The following ESRRB variants were observed in gnomAD, a reference collection of about 807,000 sequenced individuals.
ESRRB encodes the protein steroid hormone receptor ERR2.
ESRRB carries 16 observed loss-of-function variants against 46.0 expected under a neutral mutation model. The observed-to-expected ratio is 0.35, with a 90% CI of 0.24 to 0.53. ESRRB has a LOEUF of 0.53. ESRRB is among the 20% of genes least tolerant of loss of function. The probability of loss-of-function intolerance (pLI) is 0.93; values close to 1 mark genes in which losing one functional copy is unlikely to be tolerated. For synonymous variants in ESRRB, 246 were observed against 259.6 expected (o/e 0.95, Z 0.50); for missense variants, 488 against 607.4 (o/e 0.80, Z 2.07).
At chr14:76,396,867 C>G (rs1259614036) in intron 1 of ESRRB, among the ~76,000 whole-genome samples, 1 of 152,246 alleles carries the variant, frequency 6.6e-6, no homozygotes, top group Non-Finnish European at 1.5e-5. Flanking sequence ...CCACTAGATT[C>G]TCTCTCCACT....
chr14:76,332,738 ATATATT>A (rs1566853320), intron 1 of ESRRB, among the ~76,000 whole-genome samples: 468 of 22,736 alleles, frequency 0.021, 47 homozygotes, highest in African/African-American at 0.085. Context: ...TTTATATATT[ATATATT>A]TATATATTAT....
chr14:76,353,972 T>TAAAGA (rs1472572758), intron 1 of ESRRB, among the ~76,000 whole-genome samples: 3 of 151,866 alleles, frequency 2.0e-5, no homozygotes, highest in South Asian at 4.2e-4. Flanking sequence ...AAAATAAAAA[T>TAAAGA]AAAGAAAAGA....
intron 5 of ESRRB, among the ~76,000 whole-genome samples, chr14:76,485,285 G>T (rs1889963872): frequency 7.5e-6 from 1 of 133,170 alleles, no homozygotes; most frequent in African/African-American, 2.8e-5. Flanking sequence ...CTCTTGCCTA[G>T]GCTGGAGTGC....
chr14:76,331,567 G>A (rs1171933598), intron 1 of ESRRB, among the ~76,000 whole-genome samples: 1 of 152,112 alleles, frequency 6.6e-6, no homozygotes, highest in East Asian at 1.9e-4. Context: ...TCTCCCATCT[G>A]GGAAATGGAA....
At chr14:76,362,723 G>A (rs1884478530) in intron 1 of ESRRB, among the ~76,000 whole-genome samples, 2 of 152,160 alleles carry the variant, frequency 1.3e-5, no homozygotes, top group Non-Finnish European at 2.9e-5. Flanking sequence ...CGCATGCTCC[G>A]GGGAGACCTA....
intron 2 of ESRRB, among the ~76,000 whole-genome samples, chr14:76,456,523 G>A (rs1888622864): frequency 6.6e-6 from 1 of 152,170 alleles, no homozygotes; most frequent in African/African-American, 2.4e-5. Flanking sequence ...GCAGGTATCA[G>A]GAAGTAGGAT....
In ESRRB at chr14:76,499,772, C is replaced by A; in HGVS notation, c.*1314C>A. The A allele has an allele frequency of 9.0e-7, 1 of 1,108,958 alleles. No homozygotes were observed. The highest frequency in any genetic ancestry group is 1.4e-6 in the Non-Finnish European group (1 of 720,736). 68.7% of individuals were successfully genotyped at this position (1,108,958 alleles called of 1,614,324 possible). A position where few individuals can be genotyped will look rare whatever the true frequency, so the allele number is the denominator to read the frequency against. On this transcript the variant is annotated 3_prime_UTR_variant, in exon 7 of 7. Coordinates refer to ENST00000644823, the MANE Select transcript of ESRRB (RefSeq NM_001379180.1). ...AGGAAACTCCTCTACCCCAGGCACA[C>A]GGGGACAGTGGGTCACTCTATTTCT...
At chr14:76,461,201 T>C (rs1203568794) in intron 2 of ESRRB, among the ~76,000 whole-genome samples, 1 of 152,160 alleles carries the variant, frequency 6.6e-6, no homozygotes, top group Non-Finnish European at 1.5e-5. Flanking sequence ...GAAGGTCAGT[T>C]CAACCTAAAT....
intron 1 of ESRRB, among the ~76,000 whole-genome samples, chr14:76,409,950 C>A (rs1435965270): frequency 6.6e-6 from 1 of 152,122 alleles, no homozygotes; most frequent in Non-Finnish European, 1.5e-5. Flanking sequence ...CAGGCTGGGC[C>A]TGGTGGCTCA....
chr14:76,493,627 G>T (rs758586692), intron 6 of ESRRB, among the ~76,000 whole-genome samples: 20 of 152,192 alleles, frequency 1.3e-4, no homozygotes, highest in Admixed American at 1.0e-3. Flanking sequence ...GATGCAGACA[G>T]TACACACAGG....
At chr14:76,458,840 CTTTTTTTTTT>C (rs58084859) in intron 2 of ESRRB, among the ~76,000 whole-genome samples, 31 of 126,274 alleles carry the variant, frequency 2.5e-4, no homozygotes, top group African/African-American at 9.5e-4. Flanking sequence ...TCACCCTCTC[CTTTTTTTTTT>C]TTTTTTTTTT....
intron 1 of ESRRB, among the ~76,000 whole-genome samples, chr14:76,331,783 C>T (rs1884016640): frequency 6.6e-6 from 1 of 151,646 alleles, no homozygotes; most frequent in Admixed American, 6.6e-5. Context: ...GGTTGGGAGG[C>T]CCTGTGGCAG....
chr14:76,390,659 A>G (rs1052441069), intron 1 of ESRRB, among the ~76,000 whole-genome samples: 1 of 152,030 alleles, frequency 6.6e-6, no homozygotes, highest in African/African-American at 2.4e-5. Context: ...CAGGTAGAGG[A>G]ATGTAAGTTT....
intron 1 of ESRRB, among the ~76,000 whole-genome samples, chr14:76,389,034 C>T (rs1383003994): frequency 2.0e-5 from 3 of 152,104 alleles, no homozygotes; most frequent in Non-Finnish European, 4.4e-5. Context: ...AGGCAGGCAC[C>T]CCCCACCAAG....
Position 76,462,663 on chromosome 14 carries a change from T to C in ESRRB, c.577+2T>C, listed in dbSNP as rs1566599450. The C allele has an allele frequency of 6.2e-7, 1 of 1,608,134 alleles. No homozygotes were observed. Among genetic ancestry groups the C allele is most frequent in the African/African-American group, 1.3e-5 (1 of 74,788 alleles). Reference sequence around the variant, plus strand: ...TCAAAGTGGGGATGCTGAAGGAAGGTAAGAGACCCCACCGAGTCGGGGTTC... The same window carrying C: ...TCAAAGTGGGGATGCTGAAGGAAGGCAAGAGACCCCACCGAGTCGGGGTTC... On this transcript the variant is annotated splice_donor_variant, in intron 3 of 6. Transcript: ENST00000644823. LOFTEE classifies it high-confidence loss of function.
chr14:76,389,740 G>A (rs1595071366), intron 1 of ESRRB, among the ~76,000 whole-genome samples: 1 of 152,116 alleles, frequency 6.6e-6, no homozygotes, highest in African/African-American at 2.4e-5. Flanking sequence ...GCAGTTTTGT[G>A]GGCTGATGGT....
At chr14:76,445,043 G>A (rs973204393) in intron 2 of ESRRB, among the ~76,000 whole-genome samples, 2 of 151,580 alleles carry the variant, frequency 1.3e-5, no homozygotes, top group African/African-American at 4.9e-5. Context: ...ATGGTGGCTC[G>A]TGCCTGTAAT....
intron 2 of ESRRB, among the ~76,000 whole-genome samples, chr14:76,454,348 C>T (rs567533794): frequency 2.6e-4 from 39 of 152,188 alleles, no homozygotes; most frequent in Non-Finnish European, 3.4e-4. Context: ...ATAATAATCT[C>T]CATTCCCAAA....
chr14:76,357,468 G>A (rs1884395951), intron 1 of ESRRB, among the ~76,000 whole-genome samples: 1 of 152,204 alleles, frequency 6.6e-6, no homozygotes, highest in Non-Finnish European at 1.5e-5. Flanking sequence ...ACTTTGATAT[G>A]ATGGTACAAT....
Sources: gnomAD v4.1 joint callset for allele counts (sites outside exome capture counted in the v4.1 genomes callset) on GRCh38, gnomAD v4.1.1 for gene constraint, MANE v1.5 for transcripts, NCBI Gene and HGNC (gene_info 2026-07-23, HGNC 2026-07-21) for gene names.